SLC13A3: variants seen among roughly 807,000 people sequenced by gnomAD.
SLC13A3 encodes solute carrier family 13 member 3.
A neutral mutation model predicts 59.0 loss-of-function variants in SLC13A3; 40 were observed. The ratio of observed to expected loss-of-function variants is 0.68; its 90% CI spans 0.53 to 0.88. The LOEUF is 0.88. Among genes scored for constraint, SLC13A3 ranks in the 40% least tolerant of loss-of-function variants. SLC13A3 has a pLI of 0.00. For missense variants in SLC13A3, 699 were observed against 783.2 expected (o/e 0.89, Z 1.28); for synonymous variants, 317 against 330.3 (o/e 0.96, Z 0.44).
intron 1 of SLC13A3, among the ~76,000 whole-genome samples, chr20:46,632,912 T>TAGCTCTTTATCTACCTACCCAG (rs1555881882): frequency 3.5e-5 from 2 of 56,494 alleles, no homozygotes; most frequent in Non-Finnish European, 7.4e-5. Flanking sequence ...TAGATAGATA[T>TAGCTCTTTATCTACCTACCCAG]ATCTATCTAT....
intron 1 of SLC13A3, 25 bp downstream of exon 1, chr20:46,651,286 G>A (rs1268309523): frequency 1.4e-5 from 20 of 1,467,072 alleles, no homozygotes; most frequent in Non-Finnish European, 1.7e-5. Context: ...GTTGACCGGG[G>A]GCGCACAGGC....
chr20:46,632,370 C>G (rs771498591), intron 1 of SLC13A3, among the ~76,000 whole-genome samples: 11 of 152,058 alleles, frequency 7.2e-5, no homozygotes, highest in African/African-American at 2.7e-4. Context: ...TTCCTCACTC[C>G]GAGCGTCAGT....
chr20:46,608,749 T>G (rs2062461809), intron 3 of SLC13A3: 2 of 1,113,722 alleles, frequency 1.8e-6, no homozygotes, highest in Non-Finnish European at 2.5e-6. Context: ...AATTCATATT[T>G]TAAAAACTAG....
chr20:46,652,818 C>T (rs1013926714), upstream of SLC13A3, among the ~76,000 whole-genome samples: 3 of 152,158 alleles, frequency 2.0e-5, no homozygotes, highest in African/African-American at 7.2e-5. Flanking sequence ...CTTTTTAAGA[C>T]ACTGTCAACC....
intron 8 of SLC13A3, among the ~76,000 whole-genome samples, chr20:46,584,784 A>T (rs1302382563): frequency 6.6e-6 from 1 of 152,230 alleles, no homozygotes; most frequent in Non-Finnish European, 1.5e-5. Context: ...TAGGAATTTA[A>T]CCTTGAGAAA....
At chr20:46,674,185 G>A (rs1042135385), upstream of SLC13A3, among the ~76,000 whole-genome samples, 8 of 152,004 alleles carry the variant, frequency 5.3e-5, no homozygotes, top group Non-Finnish European at 8.8e-5. Context: ...CCCATACCCC[G>A]TCAACATCTC....
chr20:46,594,557 A>G (rs1339975997), intron 5 of SLC13A3, among the ~76,000 whole-genome samples: 2 of 152,156 alleles, frequency 1.3e-5, no homozygotes. Flanking sequence ...TAAAGGGCTG[A>G]GCCTAGATCC....
chr20:46,656,597 T>G (rs1199093923), intron 1 of SLC13A3, among the ~76,000 whole-genome samples: 1 of 146,826 alleles, frequency 6.8e-6, no homozygotes, highest in Non-Finnish European at 1.5e-5. Context: ...ATACTGTATA[T>G]GATATATACT....
intron 1 of SLC13A3, among the ~76,000 whole-genome samples, chr20:46,676,559 TTTTTC>T (rs942283036): frequency 8.6e-5 from 13 of 151,982 alleles, no homozygotes; most frequent in East Asian, 7.8e-4. Flanking sequence ...CCGGCCCCTT[TTTTTC>T]TTTTCTTTTC....
chr20:46,563,610 A>AAGAGAG (rs372567450), intron 11 of SLC13A3, 59 bp from the exon 12 acceptor site: 1 of 560,472 alleles, frequency 1.8e-6, no homozygotes, highest in Non-Finnish European at 2.3e-6. Flanking sequence ...CGACCACAGC[A>AAGAGAG]AGAGGGAGAG....
intron 1 of SLC13A3, among the ~76,000 whole-genome samples, chr20:46,683,083 T>G (rs2063161106): frequency 6.6e-6 from 1 of 152,178 alleles, no homozygotes; most frequent in African/African-American, 2.4e-5. Context: ...CTCTCCCTCT[T>G]GATACTTGCA....
chr20:46,600,319 G>GAAGGAAGGA (rs1491445836), intron 3 of SLC13A3, among the ~76,000 whole-genome samples: 8 of 128,438 alleles, frequency 6.2e-5, no homozygotes, highest in Non-Finnish European at 1.2e-4. Flanking sequence ...AAGAGGGAAG[G>GAAGGAAGGA]AAGGAAAGGA....
upstream of SLC13A3, among the ~76,000 whole-genome samples, chr20:46,674,889 G>T (rs896972806): frequency 6.6e-6 from 1 of 152,078 alleles, no homozygotes; most frequent in Non-Finnish European, 1.5e-5. Flanking sequence ...CAGAGGCTGT[G>T]GGGGGCCATG....
At chr20:46,594,921 T>C (rs2062295038) in intron 5 of SLC13A3, among the ~76,000 whole-genome samples, 1 of 152,168 alleles carries the variant, frequency 6.6e-6, no homozygotes, top group Non-Finnish European at 1.5e-5. Flanking sequence ...TGAAAATACC[T>C]ATAATGACTC....
At chr20:46,578,296 C>G (rs2062099015) in intron 9 of SLC13A3, among the ~76,000 whole-genome samples, 1 of 152,148 alleles carries the variant, frequency 6.6e-6, no homozygotes, top group South Asian at 2.1e-4. Context: ...CTCTTCTGGG[C>G]TCTCAGGATA....
intron 1 of SLC13A3, among the ~76,000 whole-genome samples, chr20:46,645,563 A>T (rs993265000): frequency 2.0e-5 from 3 of 152,070 alleles, no homozygotes; most frequent in East Asian, 3.9e-4. Context: ...TAAAAAGCCA[A>T]CTCCAGAAGA....
At chr20:46,638,787 C>T (rs992106469) in intron 1 of SLC13A3, among the ~76,000 whole-genome samples, 9 of 152,116 alleles carry the variant, frequency 5.9e-5, no homozygotes, top group African/African-American at 1.4e-4. Context: ...GCCTTGGCAC[C>T]GCGGACATTT....
intron 1 of SLC13A3, among the ~76,000 whole-genome samples, chr20:46,676,920 G>A (rs2063129587): frequency 6.6e-6 from 1 of 151,382 alleles, no homozygotes; most frequent in South Asian, 2.1e-4. Flanking sequence ...AAATTCATCA[G>A]CTTCTTTTCT....
intron 1 of SLC13A3, among the ~76,000 whole-genome samples, chr20:46,627,396 T>C (rs2062684456): frequency 6.6e-6 from 1 of 152,020 alleles, no homozygotes; most frequent in Non-Finnish European, 1.5e-5. Context: ...GACTTCAGTG[T>C]CATGAGTGCA....
Sources: allele counts gnomAD v4.1 joint callset (sites outside exome capture counted in the v4.1 genomes callset), GRCh38; gene constraint gnomAD v4.1.1; transcripts MANE v1.5; gene names NCBI Gene and HGNC (gene_info 2026-07-23, HGNC 2026-07-21).